PTPRD: variants seen among roughly 807,000 people sequenced by gnomAD.
PTPRD encodes receptor-type tyrosine-protein phosphatase delta.
Under a neutral mutation model 214.5 loss-of-function variants are expected in PTPRD, and 34 were observed. That is an observed-to-expected ratio of 0.16 (90% CI 0.12 to 0.21). The LOEUF is 0.21. PTPRD is among the 10% of genes least tolerant of loss of function. The pLI, the probability that PTPRD is intolerant of heterozygous loss-of-function variation, is 1.00. For missense variants in PTPRD, 2,545 were observed against 2,398.7 expected, an observed-to-expected ratio of 1.06 and a Z score of -1.27; for synonymous variants, 1,128 against 845.7, an observed-to-expected ratio of 1.33 and a Z score of -5.79.
intron 12 of PTPRD, among the ~76,000 whole-genome samples, chr9:8,661,096 A>T (rs1228918054): frequency 6.6e-6 from 1 of 152,150 alleles, no homozygotes; most frequent in Non-Finnish European, 1.5e-5. Flanking sequence ...AACAGTCCCA[A>T]GTTCAGATAT....
At chr9:9,631,589 A>G (rs2095597430) in intron 7 of PTPRD, among the ~76,000 whole-genome samples, 1 of 152,148 alleles carries the variant, frequency 6.6e-6, no homozygotes, top group Non-Finnish European at 1.5e-5. Context: ...AAGAGAAAAT[A>G]CAAGTCAAGT....
chr9:8,821,549 G>A lies in PTPRD; in HGVS notation c.-103-87603C>T, dbSNP rs187499500. Among the ~76,000 whole-genome samples, 79 of 152,316 alleles carry A rather than the reference G, an allele frequency of 5.2e-4. 1 individual carries two copies. Among genetic ancestry groups the A allele is most frequent in the African/African-American group, 1.8e-3 (76 of 41,570 alleles). On this transcript the variant is annotated intron_variant, in intron 11 of 45. Coordinates refer to ENST00000381196, the MANE Select transcript of PTPRD (RefSeq NM_002839.4). ...AGAAATCCCCCTTTCCCCTAAGAGT[G>A]GAGGCCAATCCCAATGCAGTCACCT...
At chr9:9,531,704 G>T (rs546986050) in intron 8 of PTPRD, among the ~76,000 whole-genome samples, 205 of 152,146 alleles carry the variant, frequency 1.3e-3, no homozygotes, top group African/African-American at 4.7e-3. Flanking sequence ...TTGGGGTATT[G>T]AAAATAGTGC....
At chr9:8,622,739 C>T (rs1469314286) in intron 14 of PTPRD, among the ~76,000 whole-genome samples, 1 of 151,858 alleles carries the variant, frequency 6.6e-6, no homozygotes, top group Non-Finnish European at 1.5e-5. Flanking sequence ...GTGGAAGCAA[C>T]ATCTCCTGAC....
At chr9:8,963,584 A>C (rs899896748) in intron 11 of PTPRD, among the ~76,000 whole-genome samples, 1 of 152,108 alleles carries the variant, frequency 6.6e-6, no homozygotes, top group African/African-American at 2.4e-5. Flanking sequence ...TATGTTGAAC[A>C]ATCTTGCATC....
chr9:9,808,468 A>G (rs367874046), intron 5 of PTPRD, among the ~76,000 whole-genome samples: 3 of 152,140 alleles, frequency 2.0e-5, no homozygotes, highest in African/African-American at 7.2e-5. Context: ...TAGAGAAAAG[A>G]AAAGACAAAA....
intron 2 of PTPRD, among the ~76,000 whole-genome samples, chr9:10,559,527 T>C (rs189995090): frequency 1.1e-4 from 17 of 152,104 alleles, no homozygotes; most frequent in Middle Eastern, 3.4e-3. Context: ...GAATCTAAAA[T>C]AAAAATTGAA....
chr9:9,604,515 T>C (rs1162790827), intron 7 of PTPRD, among the ~76,000 whole-genome samples: 2 of 152,114 alleles, frequency 1.3e-5, no homozygotes, highest in Non-Finnish European at 2.9e-5. Context: ...TTCTAACTTT[T>C]AGTGTAAGAA....
chr9:9,048,877 G>A (rs531673467), intron 10 of PTPRD, among the ~76,000 whole-genome samples: 2 of 152,196 alleles, frequency 1.3e-5, no homozygotes, highest in South Asian at 4.1e-4. Context: ...TTTCCATGAT[G>A]TGATTATTAC....
chr9:9,801,177 A>G (rs1209090110), intron 5 of PTPRD, among the ~76,000 whole-genome samples: 1 of 152,114 alleles, frequency 6.6e-6, no homozygotes, highest in Non-Finnish European at 1.5e-5. Context: ...TTAGTGACAA[A>G]TATAAAAGCA....
At chr9:10,172,987 C>T (rs1180892621) in intron 3 of PTPRD, among the ~76,000 whole-genome samples, 1 of 152,148 alleles carries the variant, frequency 6.6e-6, no homozygotes, top group Non-Finnish European at 1.5e-5. Flanking sequence ...ATAAATATGA[C>T]TGGAGTCTCC....
chr9:10,031,800 G>A (rs2097084719), intron 4 of PTPRD, among the ~76,000 whole-genome samples: 1 of 151,232 alleles, frequency 6.6e-6, no homozygotes, highest in South Asian at 2.1e-4. Context: ...GAATGATGTA[G>A]ACACAATGTA....
chr9:10,267,691 A>G (rs755889242), intron 3 of PTPRD, among the ~76,000 whole-genome samples: 1 of 152,212 alleles, frequency 6.6e-6, no homozygotes, highest in Non-Finnish European at 1.5e-5. Flanking sequence ...GCATTTGATC[A>G]GACTCTCTTC....
At chr9:9,146,835 T>C (rs2154485100) in intron 10 of PTPRD, among the ~76,000 whole-genome samples, 1 of 152,184 alleles carries the variant, frequency 6.6e-6, no homozygotes, top group East Asian at 1.9e-4. Context: ...AAACATAGTT[T>C]ATAAATAGGT....
chr9:8,522,227 A>G (rs569695444), intron 19 of PTPRD, among the ~76,000 whole-genome samples: 3 of 152,260 alleles, frequency 2.0e-5, no homozygotes, highest in African/African-American at 7.2e-5. Context: ...GGCATGCACA[A>G]GATGGAATCT....
chr9:8,821,696 C>T (rs187511658), intron 11 of PTPRD, among the ~76,000 whole-genome samples: 2 of 152,174 alleles, frequency 1.3e-5, no homozygotes, highest in African/African-American at 4.8e-5. Flanking sequence ...AACAGAGTCT[C>T]GCTCTGTTGC....
At chr9:8,510,611 G>A (rs1303613217) in intron 21 of PTPRD, among the ~76,000 whole-genome samples, 1 of 152,128 alleles carries the variant, frequency 6.6e-6, no homozygotes, top group Non-Finnish European at 1.5e-5. Flanking sequence ...GGCAAAATGT[G>A]TCTACAGGCT....
intron 11 of PTPRD, among the ~76,000 whole-genome samples, chr9:8,752,892 G>A (rs1455393702): frequency 6.6e-6 from 1 of 152,182 alleles, no homozygotes; most frequent in East Asian, 1.9e-4. Flanking sequence ...AAGCTACTAA[G>A]TTTAGGGATG....
At chr9:10,279,787 G>T (rs1040679870) in intron 3 of PTPRD, among the ~76,000 whole-genome samples, 1 of 151,810 alleles carries the variant, frequency 6.6e-6, no homozygotes, top group Non-Finnish European at 1.5e-5. Context: ...TCTAAGTGGC[G>T]TAGTCACTAA....
Sources: allele counts gnomAD v4.1 joint callset (sites outside exome capture counted in the v4.1 genomes callset), GRCh38; gene constraint gnomAD v4.1.1; transcripts MANE v1.5; gene names NCBI Gene and HGNC (gene_info 2026-07-23, HGNC 2026-07-21).